The following APBA2 variants were observed in gnomAD, a reference collection of about 807,000 sequenced individuals.
The protein encoded by APBA2 is amyloid-beta A4 precursor protein-binding family A member 2.
Under a neutral mutation model 75.0 loss-of-function variants are expected in APBA2, and 30 were observed. That is an observed-to-expected ratio of 0.40 (90% CI 0.30 to 0.54). APBA2 has a LOEUF of 0.54. Ranked by LOEUF, APBA2 falls within the 20% of genes least tolerant of loss-of-function variation. The pLI is 0.49. For synonymous variants in APBA2, 444 were observed against 409.6 expected, an observed-to-expected ratio of 1.08 and a Z score of -1.01; for missense variants, 801 against 1,016.1, an observed-to-expected ratio of 0.79 and a Z score of 2.88.
intron 7 of APBA2, among the ~76,000 whole-genome samples, chr15:29,094,075 C>G (rs8029147): frequency 0.036 from 5,450 of 152,302 alleles, 306 homozygotes; most frequent in African/African-American, 0.12. Flanking sequence ...GCAGTCATTT[C>G]TAGCGCTCCA....
At chr15:28,947,558 G>T (rs1229574679) in intron 2 of APBA2, among the ~76,000 whole-genome samples, 2 of 152,148 alleles carry the variant, frequency 1.3e-5, no homozygotes, top group South Asian at 2.1e-4. Context: ...GCTTCTGCAG[G>T]CTTCTTCCTA....
At chr15:29,079,659 G>T (rs1034674391) in intron 6 of APBA2, among the ~76,000 whole-genome samples, 4 of 152,130 alleles carry the variant, frequency 2.6e-5, no homozygotes, top group African/African-American at 9.7e-5. Context: ...CAGTGCTGAG[G>T]CTGAGTATGT....
At chr15:29,099,252 G>T (rs1307740709) in intron 9 of APBA2, among the ~76,000 whole-genome samples, 1 of 152,180 alleles carries the variant, frequency 6.6e-6, no homozygotes, top group Non-Finnish European at 1.5e-5. Flanking sequence ...CCTGTGCTGG[G>T]TGTCCCCAAG....
chr15:28,968,932 T>C (rs944120710), intron 2 of APBA2, among the ~76,000 whole-genome samples: 4 of 152,082 alleles, frequency 2.6e-5, no homozygotes, highest in Non-Finnish European at 2.9e-5. Context: ...TTGAGTGTCT[T>C]AAATAGGCTA....
intron 2 of APBA2, among the ~76,000 whole-genome samples, chr15:28,940,570 AAAAAG>A (rs945635621): frequency 6.6e-6 from 1 of 151,382 alleles, no homozygotes; most frequent in African/African-American, 2.4e-5. Context: ...AAGAAAAAAA[AAAAAG>A]AAAAGAAAAA....
At chr15:29,058,042 T>C (rs780414934) in intron 4 of APBA2, among the ~76,000 whole-genome samples, 12 of 152,216 alleles carry the variant, frequency 7.9e-5, no homozygotes, top group Middle Eastern at 6.3e-3. Flanking sequence ...ACATTTTCTT[T>C]TGAATTTTGG....
In APBA2 at chr15:28,969,128, T is replaced by TTTTCCTTCTTTC. The variant is rs2036899213; in HGVS notation, c.-94-26621_-94-26620insCTTCTTTCTTTC. Among the ~76,000 whole-genome samples, 4 of 137,026 alleles carry TTTTCCTTCTTTC rather than the reference T, an allele frequency of 2.9e-5. No homozygotes were observed. The Admixed American group carries it at 3.0e-4, about 10-fold the overall frequency. The allele number at this position is 137,026 out of a possible 152,430, so 89.9% of individuals were successfully genotyped here. ...TACAAAAACCTTACCTTTCATTTCT[T>TTTTCCTTCTTTC]TTTCTTTCTTTCTTTCTTTCTTTCT... On this transcript the variant is annotated intron_variant, in intron 2 of 14. Transcript: ENST00000683413.
At chr15:29,019,443 A>T (rs1040215445) in intron 3 of APBA2, among the ~76,000 whole-genome samples, 2 of 152,172 alleles carry the variant, frequency 1.3e-5, no homozygotes, top group African/African-American at 4.8e-5. Flanking sequence ...GATAAAGCAG[A>T]GTTCTCCCTT....
At chr15:28,894,353 A>G (rs1343882435) in intron 1 of APBA2, among the ~76,000 whole-genome samples, 1 of 152,186 alleles carries the variant, frequency 6.6e-6, no homozygotes, top group Non-Finnish European at 1.5e-5. Flanking sequence ...GAGGGAGGGC[A>G]TGGAGGGGGC....
intron 3 of APBA2, among the ~76,000 whole-genome samples, chr15:29,040,135 T>C (rs755121630): frequency 2.0e-5 from 3 of 152,224 alleles, no homozygotes; most frequent in Non-Finnish European, 4.4e-5. Context: ...CTCCTGGCCC[T>C]GCCAGACCCA....
intron 2 of APBA2, among the ~76,000 whole-genome samples, chr15:28,937,128 G>A (rs1362681074): frequency 6.6e-6 from 1 of 152,156 alleles, no homozygotes; most frequent in Non-Finnish European, 1.5e-5. Flanking sequence ...CCCGGTGGTG[G>A]TCTCGAGGTC....
rs1328169486 is a variant in APBA2, at chr15:28,886,099, C to G, written c.-384C>G. ...GCCCGGCAGAGGCGGCCCTGCGTGC[C>G]GTACGCTGCGTCCGGGGCGCGCCCG... On this transcript the variant is annotated 5_prime_UTR_variant, in exon 1 of 15. Transcript: ENST00000683413. 2 of 149,438 alleles carry G rather than the reference C, an allele frequency of 1.3e-5. No homozygotes were observed. The highest frequency in any genetic ancestry group is 3.0e-5 in the Non-Finnish European group (2 of 67,074). The allele number at this position is 149,438 out of a possible 1,614,324, so 9.3% of individuals were successfully genotyped here.
intron 1 of APBA2, among the ~76,000 whole-genome samples, chr15:28,904,376 T>A (rs899752727): frequency 6.6e-6 from 1 of 152,244 alleles, no homozygotes; most frequent in African/African-American, 2.4e-5. Flanking sequence ...GGTTGGACAT[T>A]AAATTTGTTT....
chr15:28,889,880 T>C (rs1022390066), intron 1 of APBA2, among the ~76,000 whole-genome samples: 4 of 152,232 alleles, frequency 2.6e-5, no homozygotes, highest in Non-Finnish European at 4.4e-5. Flanking sequence ...TGTTTCTCCT[T>C]AGTACTCACC....
intron 4 of APBA2, chr15:29,071,194 C>A (rs2042607032): frequency 5.3e-6 from 2 of 379,778 alleles, no homozygotes; most frequent in Non-Finnish European, 1.1e-5. Flanking sequence ...TGAGAATTGA[C>A]ACTTTTTAAA....
intron 3 of APBA2, among the ~76,000 whole-genome samples, chr15:28,998,188 ATTC>A (rs980072090): frequency 1.4e-5 from 2 of 146,676 alleles, no homozygotes; most frequent in Non-Finnish European, 3.0e-5. Context: ...CTCTTTTCTT[ATTC>A]TTCTTTTTCT....
intron 2 of APBA2, among the ~76,000 whole-genome samples, chr15:28,924,209 A>C (rs970081367): frequency 1.3e-5 from 2 of 151,584 alleles, no homozygotes; most frequent in African/African-American, 4.8e-5. Flanking sequence ...GAAAATGCCC[A>C]GTTTCTCATG....
At chr15:28,920,106 G>C (rs188077005) in intron 1 of APBA2, among the ~76,000 whole-genome samples, 26 of 152,318 alleles carry the variant, frequency 1.7e-4, no homozygotes, top group African/African-American at 6.3e-4. Flanking sequence ...GGGCCAGGTA[G>C]GAGCCTGAGA....
chr15:29,014,473 T>A (rs1285552204), intron 3 of APBA2, among the ~76,000 whole-genome samples: 1 of 152,238 alleles, frequency 6.6e-6, no homozygotes, highest in African/African-American at 2.4e-5. Flanking sequence ...TAGTGGCAGC[T>A]ACTTGCCATT....
Sources: allele counts gnomAD v4.1 joint callset (sites outside exome capture counted in the v4.1 genomes callset), GRCh38; gene constraint gnomAD v4.1.1; transcripts MANE v1.5; gene names NCBI Gene and HGNC (gene_info 2026-07-23, HGNC 2026-07-21).